Variants in USP9X observed in about 807,000 individuals in gnomAD.
USP9X encodes the protein ubiquitin specific peptidase 9 X-linked, also known as ubiquitin carboxyl-terminal hydrolase 9X.
A neutral mutation model predicts 190.3 loss-of-function variants in USP9X; 7 were observed. The observed-to-expected ratio is 0.04, with a 90% CI of 0.02 to 0.07. The LOEUF (loss-of-function observed/expected upper bound fraction) is 0.07. USP9X is among the 10% of genes least tolerant of loss of function. The probability of loss-of-function intolerance (pLI) is 1.00; values close to 1 mark genes in which losing one functional copy is unlikely to be tolerated. For missense variants in USP9X, 1,010 were observed against 1,916.9 expected (o/e 0.53, Z 8.83); for synonymous variants, 645 against 659.5 (o/e 0.98, Z 0.34).
rs762734686 is a variant in USP9X at position 41,089,341 on chromosome X, A to G, written c.-159+3232A>G. The stretch of plus-strand genomic sequence containing the variant: ...GAAATGACACTGATTGCTATTTTTA[A>G]AAAAGCATTTAGAGCTTTTGGTTTG... On this transcript the variant is annotated intron_variant, in intron 1 of 44. Coordinates refer to ENST00000378308, the MANE Select transcript of USP9X (RefSeq NM_001039591.3). Among the ~76,000 whole-genome samples the G allele has an allele frequency of 3.6e-5, 4 of 112,098 alleles. No homozygotes were observed. The South Asian group carries it at 1.5e-3, about 41-fold the overall frequency.
chrX:41,210,937 C>CTTCCT (rs763766414), intron 33 of USP9X, among the ~76,000 whole-genome samples: 19 of 110,011 alleles, frequency 1.7e-4, no homozygotes, highest in East Asian at 2.8e-4. Flanking sequence ...CAGTCTCTTT[C>CTTCCT]TTCCTTTCCT....
At chrX:41,101,338 G>C (rs1441131410) in intron 1 of USP9X, among the ~76,000 whole-genome samples, 1 of 109,744 alleles carries the variant, frequency 9.1e-6, no homozygotes, top group Non-Finnish European at 1.9e-5. Context: ...TCAGCACTTT[G>C]GGAGGCTTAG....
At chrX:41,218,688 C>G in intron 37 of USP9X, 91 bp downstream of exon 37, 1 of 840,445 alleles carries the variant, frequency 1.2e-6, no homozygotes, top group Non-Finnish European at 1.7e-6. Context: ...TGTGCATCCA[C>G]TTGATATGTT....
chrX:41,099,096 GTTTTTTTTT>G (rs34179321), intron 1 of USP9X, among the ~76,000 whole-genome samples: 1 of 44,274 alleles, frequency 2.3e-5, no homozygotes. Context: ...CCAGATAATT[GTTTTTTTTT>G]TTTTTTTTTT....
chrX:41,187,886 C>A, intron 24 of USP9X, 106 bp from the exon 25 acceptor site: 131 of 520,184 alleles, frequency 2.5e-4, no homozygotes, highest in East Asian at 4.1e-4. Flanking sequence ...AACAATGGTA[C>A]TACACAGTAA....
At chrX:41,199,807 G>A (rs1165153521) in intron 30 of USP9X, among the ~76,000 whole-genome samples, 2 of 111,464 alleles carry the variant, frequency 1.8e-5, no homozygotes, top group African/African-American at 3.3e-5. Flanking sequence ...TTATGAGTTC[G>A]AAGAAAATCT....
chrX:41,162,814 CTG>C lies in USP9X; in HGVS notation c.1925_1926del (p.Val642GlufsTer5). Reference sequence around the variant, plus strand: ...GACCATGAAGATTATGACCCACAAACTGTGAGGCTGGGAAGTAGATATAGTCA... The same window carrying C: ...GACCATGAAGATTATGACCCACAAACTGAGGCTGGGAAGTAGATATAGTCA... On this transcript the variant is annotated frameshift_variant, in exon 15 of 45. Coordinates refer to ENST00000378308, the MANE Select transcript of USP9X (RefSeq NM_001039591.3). LOFTEE classifies it high-confidence loss of function. 1 of 1,209,058 alleles carries C rather than the reference CTG, an allele frequency of 8.3e-7. No individual in the cohort carries two copies. The highest frequency in any genetic ancestry group is 1.1e-6 in the Non-Finnish European group (1 of 894,204).
At chrX:41,214,482 A>T in intron 33 of USP9X, 86 bp from the exon 34 acceptor site, 1 of 939,509 alleles carries the variant, frequency 1.1e-6, no homozygotes, top group Non-Finnish European at 1.4e-6. Context: ...AATTTAAAAA[A>T]AAAAGGCAAA....
At chrX:41,219,709 C>T (rs1333014814) in intron 38 of USP9X, among the ~76,000 whole-genome samples, 1 of 112,120 alleles carries the variant, frequency 8.9e-6, no homozygotes, top group Non-Finnish European at 1.9e-5. Flanking sequence ...ATTTAGGGGC[C>T]GGGCACAATG....
chrX:41,209,826 T>A (rs1378272970), intron 32 of USP9X, among the ~76,000 whole-genome samples: 2 of 112,445 alleles, frequency 1.8e-5, no homozygotes, highest in Admixed American at 1.9e-4. Context: ...CTTTAAAATG[T>A]CATTTCTTGC....
intron 10 of USP9X, among the ~76,000 whole-genome samples, chrX:41,143,946 A>T (rs1263230477): frequency 1.8e-5 from 2 of 111,670 alleles, no homozygotes; most frequent in East Asian, 5.6e-4. Flanking sequence ...TTTCTTGGGA[A>T]GCATTATTGA....
At chrX:41,169,599 C>T (rs762085016) in intron 18 of USP9X, among the ~76,000 whole-genome samples, 259 of 110,446 alleles carry the variant, frequency 2.3e-3, no homozygotes, top group African/African-American at 8.1e-3. Flanking sequence ...GGATTACAGG[C>T]GCCCACCACC....
intron 2 of USP9X, among the ~76,000 whole-genome samples, chrX:41,125,517 T>C (rs1037200754): frequency 1.8e-5 from 2 of 108,618 alleles, no homozygotes; most frequent in African/African-American, 6.7e-5. Flanking sequence ...TATTATCTTT[T>C]TTGTGTCTTG....
chrX:41,102,163 GTTATT>G (rs2033323593), intron 1 of USP9X, among the ~76,000 whole-genome samples: 2 of 111,873 alleles, frequency 1.8e-5, no homozygotes. Context: ...TCTCAAGGGT[GTTATT>G]TTAAAAAACT....
intron 23 of USP9X, among the ~76,000 whole-genome samples, chrX:41,185,133 T>A (rs2062862220): frequency 8.9e-6 from 1 of 112,339 alleles, no homozygotes; most frequent in Non-Finnish European, 1.9e-5. Context: ...CAGAATTTGA[T>A]ACTTATTTAT....
chrX:41,219,718 T>C (rs1321478861), intron 38 of USP9X, among the ~76,000 whole-genome samples: 2 of 112,500 alleles, frequency 1.8e-5, no homozygotes, highest in African/African-American at 6.5e-5. Flanking sequence ...CCGGGCACAA[T>C]GGCTTATGCC....
At position 41,184,105 on chromosome X, in the gene USP9X, T is replaced by C; in HGVS notation, c.3256T>C (p.Ser1086Pro). The C allele has an allele frequency of 8.3e-7, 1 of 1,208,846 alleles. No individual in the cohort carries two copies. The highest frequency in any genetic ancestry group is 1.1e-6 in the Non-Finnish European group (1 of 894,297). Residue 1086 changes from serine (S) to proline (P), a missense_variant, in exon 22 of 45, where the codon TCA becomes CCA. Physicochemically the swap from Ser to Pro is moderately conservative, Grantham distance 74 (BLOSUM62 -1). Coordinates refer to ENST00000378308, the MANE Select transcript of USP9X (RefSeq NM_001039591.3). ...CTCACTTTTCTTTGGTCCTTCAGCC[T>C]CACAAGTGCTATATCTAACAGAGGT... ...LDSLFFGPSA[S>P]QVLYLTEVVY...
intron 18 of USP9X, 102 bp downstream of exon 18, chrX:41,168,320 TTG>T (rs2147118538): frequency 1.4e-6 from 1 of 730,755 alleles, no homozygotes; most frequent in Admixed American, 4.5e-5. Context: ...TTGAAAATTG[TTG>T]TCTTTGCCCA....
intron 1 of USP9X, among the ~76,000 whole-genome samples, chrX:41,108,775 G>A (rs906640004): frequency 1.8e-5 from 2 of 111,657 alleles, no homozygotes; most frequent in African/African-American, 6.5e-5. Context: ...TGAGCAGGGT[G>A]ATTGGCTTTG....
Sources: allele counts gnomAD v4.1 joint callset (sites outside exome capture counted in the v4.1 genomes callset), GRCh38; gene constraint gnomAD v4.1.1; transcripts MANE v1.5; gene names NCBI Gene and HGNC (gene_info 2026-07-23, HGNC 2026-07-21).